Variants in CYP2U1 observed in about 807,000 individuals in gnomAD.
CYP2U1 encodes cytochrome P450 2U1.
A neutral mutation model predicts 42.8 loss-of-function variants in CYP2U1; 28 were observed. The ratio of observed to expected loss-of-function variants is 0.65; its 90% CI spans 0.48 to 0.90. CYP2U1 has a LOEUF of 0.90. Among genes scored for constraint, CYP2U1 ranks in the 40% least tolerant of loss-of-function variants. The pLI is 0.00. For missense variants in CYP2U1, 642 were observed against 693.8 expected (o/e 0.93, Z 0.84); for synonymous variants, 296 against 278.9 (o/e 1.06, Z -0.61).
In CYP2U1 at chr4:107,931,639, G is replaced by A. The variant is rs1316998112; in HGVS notation, c.-5G>A. On this transcript the variant is annotated 5_prime_UTR_variant, in exon 1 of 5. Coordinates refer to ENST00000332884, the MANE Select transcript of CYP2U1 (RefSeq NM_183075.3). ...GGGGAACCCGAGGCCGCCGGCGCCCGGACCATGTCGTCTCCGGGGCCGTCG... is the reference window on the plus strand; with the variant it reads ...GGGGAACCCGAGGCCGCCGGCGCCCAGACCATGTCGTCTCCGGGGCCGTCG... 4.8e-6 allele frequency: 6 copies of A among 1,252,754 alleles called. No homozygotes were observed. Among genetic ancestry groups the A allele is most frequent in the African/African-American group, 1.6e-5 (1 of 64,336 alleles). 77.6% of individuals were successfully genotyped at this position (1,252,754 alleles called of 1,614,324 possible). A position where few individuals can be genotyped will look rare whatever the true frequency, so the allele number is the denominator to read the frequency against.
rs1733830009 is a variant in CYP2U1, at chr4:107,949,395, A to G, written c.1334A>G (p.Asn445Ser). The change falls in exon 4 of 5, where the codon AAC (asparagine) becomes AGC (serine). Residue 445 changes from asparagine (N) to serine (S), a missense_variant. Coordinates refer to ENST00000332884, the MANE Select transcript of CYP2U1 (RefSeq NM_183075.3). Reference sequence around the variant, plus strand: ...CCTAAAGGCACATTGATCTTACCCAACCTGTGGTCAGTACATAGAGACCCA... The same window carrying G: ...CCTAAAGGCACATTGATCTTACCCAGCCTGTGGTCAGTACATAGAGACCCA... ...TIPKGTLILP[N>S]LWSVHRDPAI... The G allele has an allele frequency of 1.1e-5, 18 of 1,599,086 alleles. No individual in the cohort carries two copies. The highest frequency in any genetic ancestry group is 1.5e-5 in the Non-Finnish European group (18 of 1,173,146).
chr4:107,931,668 C>T lies in CYP2U1; in HGVS notation c.25C>T (p.Pro9Ser). ...CATGTCGTCTCCGGGGCCGTCGCAG[C>T]CGCCGGCCGAGGACCCGCCCTGGCC... MSSPGPSQ[P>S]PAEDPPWPAR... The change falls in exon 1 of 5, where the codon CCG becomes TCG. Residue 9 changes from proline (P) to serine (S), a missense_variant. By Grantham distance (74) the Pro-to-Ser change is moderately conservative. Transcript: ENST00000332884. 7.9e-7 allele frequency: 1 copy of T among 1,262,114 alleles called. No individual in the cohort carries two copies. The highest frequency in any genetic ancestry group is 3.2e-5 in the East Asian group (1 of 31,028). The allele number at this position is 1,262,114 out of a possible 1,614,324, so 78.2% of individuals were successfully genotyped here. A position where few individuals can be genotyped will look rare whatever the true frequency, so the allele number is the denominator to read the frequency against.
rs571329993 is a variant in CYP2U1, at chr4:107,952,840, C to T, written c.*2417C>T. On this transcript the variant is annotated 3_prime_UTR_variant, in exon 5 of 5. Transcript: ENST00000332884. Reference sequence around the variant, plus strand: ...TTTTGACTCTACATTCTTTATCTACCATACTGCTCTTTTCCTTTTTAGAAA... The same window carrying T: ...TTTTGACTCTACATTCTTTATCTACTATACTGCTCTTTTCCTTTTTAGAAA... 2 of 152,126 alleles carry T rather than the reference C, an allele frequency of 1.3e-5. No homozygotes were observed. Among genetic ancestry groups the T allele is most frequent in the Non-Finnish European group, 2.9e-5 (2 of 68,020 alleles). 9.4% of individuals were successfully genotyped at this position (152,126 alleles called of 1,614,324 possible).
intron 3 of CYP2U1, among the ~76,000 whole-genome samples, chr4:107,948,697 C>T (rs549062928): frequency 7.2e-4 from 109 of 152,176 alleles, no homozygotes; most frequent in Non-Finnish European, 1.2e-3. Flanking sequence ...CATGTCCAGA[C>T]TCTCTTTAAA....
intron 3 of CYP2U1, among the ~76,000 whole-genome samples, chr4:107,947,803 T>C (rs985048756): frequency 6.6e-6 from 1 of 152,198 alleles, no homozygotes; most frequent in Admixed American, 6.5e-5. Flanking sequence ...AAACAAATAA[T>C]GTCAAAATTT....
At chr4:107,938,154 C>T (rs1291513579) in intron 1 of CYP2U1, 1 of 152,176 alleles carries the variant, frequency 6.6e-6, no homozygotes, top group East Asian at 1.9e-4. Flanking sequence ...TACATAAACT[C>T]ACCTTCTTGG....
At chr4:107,933,140 G>A (rs892855147) in intron 1 of CYP2U1, among the ~76,000 whole-genome samples, 2 of 152,148 alleles carry the variant, frequency 1.3e-5, no homozygotes, top group Admixed American at 6.5e-5. Flanking sequence ...GATTTTAAAC[G>A]GAAAAGACAA....
chr4:107,943,239 C>T (rs1450942370), intron 1 of CYP2U1, among the ~76,000 whole-genome samples: 2 of 152,232 alleles, frequency 1.3e-5, no homozygotes, highest in Non-Finnish European at 2.9e-5. Context: ...CATTTAAACA[C>T]TTCTGTGAAC....
rs1258297357 is a variant in CYP2U1 at position 107,952,988 on chromosome 4, G to A, written c.*2565G>A. ...AACTGCAGAGGAACTGAGTGGATGG[G>A]GTAGCTGCTGTATAGATTTTTAGAT... is the stretch of plus-strand genomic sequence containing the variant. On this transcript the variant is annotated 3_prime_UTR_variant, in exon 5 of 5. Transcript: ENST00000332884. 6.6e-6 allele frequency: 1 copy of A among 152,132 alleles called. No homozygotes were observed. Among genetic ancestry groups the A allele is most frequent in the Non-Finnish European group, 1.5e-5 (1 of 68,036 alleles). 9.4% of individuals were successfully genotyped at this position (152,132 alleles called of 1,614,324 possible). A position where few individuals can be genotyped will look rare whatever the true frequency, so the allele number is the denominator to read the frequency against.
At chr4:107,942,164 C>T (rs1733518023) in intron 1 of CYP2U1, among the ~76,000 whole-genome samples, 1 of 152,154 alleles carries the variant, frequency 6.6e-6, no homozygotes, top group South Asian at 2.1e-4. Context: ...TTCTGCCTCT[C>T]CTGGGGTCTT....
intron 1 of CYP2U1, chr4:107,939,222 G>A (rs1240255331): frequency 6.6e-6 from 1 of 152,216 alleles, no homozygotes; most frequent in Non-Finnish European, 1.5e-5. Context: ...CCTGAAGCTG[G>A]TGTGGAAGAC....
chr4:107,947,234 C>T, intron 2 of CYP2U1, 142 bp from the exon 3 acceptor site: 1 of 702,168 alleles, frequency 1.4e-6, no homozygotes, highest in Non-Finnish European at 2.4e-6. Flanking sequence ...CTGACCAATG[C>T]TTCAACTTCA....
Position 107,952,994 on chromosome 4 carries a change from T to C in CYP2U1, c.*2571T>C, listed in dbSNP as rs1733962440. On this transcript the variant is annotated 3_prime_UTR_variant, in exon 5 of 5. Transcript: ENST00000332884. ...AGAGGAACTGAGTGGATGGGGTAGC[T>C]GCTGTATAGATTTTTAGATGAGATG... The C allele has an allele frequency of 6.6e-6, 1 of 152,166 alleles. No individual in the cohort carries two copies. The highest frequency in any genetic ancestry group is 6.6e-5 in the Admixed American group (1 of 15,264). 9.4% of individuals were successfully genotyped at this position (152,166 alleles called of 1,614,324 possible).
At position 107,953,344 on chromosome 4, in the gene CYP2U1, A is replaced by G. The variant is rs1456272592; in HGVS notation, c.*2921A>G. ...ACATTGGCATTTTACAATTTTGCAC[A>G]TGGTTTATTTGAAATCAAAAAATAA... is the stretch of plus-strand genomic sequence containing the variant. On this transcript the variant is annotated 3_prime_UTR_variant, in exon 5 of 5. Transcript: ENST00000332884. The G allele has an allele frequency of 6.6e-6, 1 of 152,212 alleles. No homozygotes were observed. Among genetic ancestry groups the G allele is most frequent in the Non-Finnish European group, 1.5e-5 (1 of 68,040 alleles). The allele number at this position is 152,212 out of a possible 1,614,324, so 9.4% of individuals were successfully genotyped here.
chr4:107,952,667 A>T lies in CYP2U1; in HGVS notation c.*2244A>T, dbSNP rs1733949397. On this transcript the variant is annotated 3_prime_UTR_variant, in exon 5 of 5. Coordinates refer to ENST00000332884, the MANE Select transcript of CYP2U1 (RefSeq NM_183075.3). ...AGTTAGATCTCAGTCTGGGAATGGC[A>T]TTCCAGGGCAATTGTGAACATGAGG... The T allele has an allele frequency of 6.6e-6, 1 of 152,246 alleles. No individual in the cohort carries two copies. The highest frequency in any genetic ancestry group is 1.5e-5 in the Non-Finnish European group (1 of 68,056). The allele number at this position is 152,246 out of a possible 1,614,324, so 9.4% of individuals were successfully genotyped here. A position where few individuals can be genotyped will look rare whatever the true frequency, so the allele number is the denominator to read the frequency against.
chr4:107,935,071 T>C (rs545649786), intron 1 of CYP2U1, among the ~76,000 whole-genome samples: 1 of 152,362 alleles, frequency 6.6e-6, no homozygotes, highest in South Asian at 2.1e-4. Context: ...CAAGCATCTA[T>C]TGATGTATGT....
chr4:107,942,108 T>C (rs375282969), intron 1 of CYP2U1, among the ~76,000 whole-genome samples: 13 of 152,308 alleles, frequency 8.5e-5, no homozygotes, highest in East Asian at 7.7e-4. Flanking sequence ...AATGGAGACA[T>C]AGACGCTACA....
intron 1 of CYP2U1, chr4:107,936,017 C>G (rs897415153): frequency 6.6e-6 from 1 of 152,158 alleles, no homozygotes; most frequent in African/African-American, 2.4e-5. Context: ...TGACTTAATA[C>G]ATTTGCTGAA....
At chr4:107,940,256 T>TTA (rs1553937008) in intron 1 of CYP2U1, 1 of 151,086 alleles carries the variant, frequency 6.6e-6, no homozygotes, top group African/African-American at 2.4e-5. Flanking sequence ...ATTAAAATTT[T>TTA]TTTTTTATTT....
Sources: gnomAD v4.1 joint callset for allele counts (sites outside exome capture counted in the v4.1 genomes callset) on GRCh38, gnomAD v4.1.1 for gene constraint, MANE v1.5 for transcripts, NCBI Gene and HGNC (gene_info 2026-07-23, HGNC 2026-07-21) for gene names.